The following CNIH4 variants were observed in gnomAD, a reference collection of about 807,000 sequenced individuals.
CNIH4 encodes protein cornichon homolog 4.
Under a neutral mutation model 21.5 loss-of-function variants are expected in CNIH4, and 9 were observed. That is an observed-to-expected ratio of 0.42 (90% confidence interval 0.25 to 0.73). The LOEUF is 0.73. Ranked by LOEUF, CNIH4 falls within the 30% of genes least tolerant of loss-of-function variation. The pLI is 0.27. For synonymous variants in CNIH4, 67 were observed against 59.1 expected, an observed-to-expected ratio of 1.13 and a Z score of -0.61; for missense variants, 159 against 170.0, an observed-to-expected ratio of 0.94 and a Z score of 0.36.
At chr1:224,369,436 G>A (rs1672559734) in intron 3 of CNIH4, among the ~76,000 whole-genome samples, 1 of 152,044 alleles carries the variant, frequency 6.6e-6, no homozygotes, top group African/African-American at 2.4e-5. Context: ...AGCTGGGCAT[G>A]GTGGTGTTGG....
In CNIH4 at chr1:224,379,273, G is replaced by T; in HGVS notation, c.*3451G>T. ...GCTTCCTATAGTAGTATCTCCCATG[G>T]CACTTACCACATTCTATCTGGTATT... On this transcript the variant is annotated 3_prime_UTR_variant, in exon 5 of 5. Transcript: ENST00000465271. The T allele has an allele frequency of 1.6e-6, 1 of 616,700 alleles. No individual in the cohort carries two copies. The highest frequency in any genetic ancestry group is 2.9e-6 in the Non-Finnish European group (1 of 346,036). The allele number at this position is 616,700 out of a possible 1,614,324, so 38.2% of individuals were successfully genotyped here. A position where few individuals can be genotyped will look rare whatever the true frequency, so the allele number is the denominator to read the frequency against.
At chr1:224,370,539 T>C (rs902220710) in intron 3 of CNIH4, among the ~76,000 whole-genome samples, 2 of 152,200 alleles carry the variant, frequency 1.3e-5, no homozygotes, top group African/African-American at 4.8e-5. Context: ...CTTAAATTCA[T>C]TGATCCTCTC....
intron 4 of CNIH4, among the ~76,000 whole-genome samples, chr1:224,371,681 G>A (rs768579230): frequency 4.6e-5 from 7 of 152,264 alleles, no homozygotes; most frequent in Non-Finnish European, 8.8e-5. Context: ...GGTGACTTAC[G>A]CCTGTAATCC....
Position 224,361,163 on chromosome 1 carries a change from C to T in CNIH4, c.138+600C>T, listed in dbSNP as rs373100072. On this transcript the variant is annotated intron_variant, in intron 2 of 4. Coordinates refer to ENST00000465271, the MANE Select transcript of CNIH4 (RefSeq NM_014184.4). ...TGGAGTCTCACTCTGTCACCCAGGC[C>T]GGAGTGCAGTGGTGTGATCTGGACT... Among the ~76,000 whole-genome samples the T allele has an allele frequency of 4.9e-3, 729 of 148,760 alleles. 13 individuals carry two copies. The highest frequency in any genetic ancestry group is 0.024 in the Middle Eastern group (7 of 294).
intron 1 of CNIH4, among the ~76,000 whole-genome samples, chr1:224,359,943 C>G (rs906840718): frequency 3.9e-5 from 6 of 152,130 alleles, no homozygotes; most frequent in African/African-American, 1.2e-4. Context: ...ACCAGCCTGG[C>G]TAACATAGTG....
At chr1:224,359,709 T>C (rs1034528433) in intron 1 of CNIH4, among the ~76,000 whole-genome samples, 1 of 151,848 alleles carries the variant, frequency 6.6e-6, no homozygotes, top group African/African-American at 2.4e-5. Flanking sequence ...TAACTGAGAC[T>C]ACAAGTGCCT....
At position 224,379,323 on chromosome 1, in the gene CNIH4, A is replaced by G; in HGVS notation, c.*3501A>G. ...TACAGTTATTTGTATGCAATTAATC[A>G]CTCTTAGATTGTATGTTCCTGGAGG... On this transcript the variant is annotated 3_prime_UTR_variant, in exon 5 of 5. Transcript: ENST00000465271. 1 of 557,926 alleles carries G rather than the reference A, an allele frequency of 1.8e-6. No homozygotes were observed. The highest frequency in any genetic ancestry group is 4.9e-4 in the Middle Eastern group (1 of 2,044). The allele number at this position is 557,926 out of a possible 1,614,324, so 34.6% of individuals were successfully genotyped here.
In CNIH4 at chr1:224,377,326, C is replaced by A. The variant is rs1672808634; in HGVS notation, c.*1504C>A. On this transcript the variant is annotated 3_prime_UTR_variant, in exon 5 of 5. Coordinates refer to ENST00000465271, the MANE Select transcript of CNIH4 (RefSeq NM_014184.4). The stretch of plus-strand genomic sequence containing the variant: ...CATCTCTTTTTCATACCTTTTCCCT[C>A]TGAGGCAGCTTTTGCTTAGAAAACA... 6.6e-6 allele frequency: 1 copy of A among 152,228 alleles called. No individual in the cohort carries two copies. Among genetic ancestry groups the A allele is most frequent in the Non-Finnish European group, 1.5e-5 (1 of 68,058 alleles). The allele number at this position is 152,228 out of a possible 1,614,324, so 9.4% of individuals were successfully genotyped here.
In CNIH4 at chr1:224,376,713, C is replaced by T. The variant is rs772391518; in HGVS notation, c.*891C>T. On this transcript the variant is annotated 3_prime_UTR_variant, in exon 5 of 5. Transcript: ENST00000465271. ...CACTTCTATCCCTCTGCACTGACCA[C>T]GTTGTGAACTGGGAGACCAAATGCA... 1.2e-4 allele frequency: 119 copies of T among 985,284 alleles called. No homozygotes were observed. Among genetic ancestry groups the T allele is most frequent in the Non-Finnish European group, 1.4e-4 (115 of 829,942 alleles). 61.0% of individuals were successfully genotyped at this position (985,284 alleles called of 1,614,324 possible). A position where few individuals can be genotyped will look rare whatever the true frequency, so the allele number is the denominator to read the frequency against.
At position 224,379,095 on chromosome 1, in the gene CNIH4, C is replaced by T. The variant is rs1046110536; in HGVS notation, c.*3273C>T. ...GGTAGCAACTGCCCTTGCTAATCACCGTAACCTCGGCTGAGAAAGAAGAGG... is the reference window on the plus strand; with the variant it reads ...GGTAGCAACTGCCCTTGCTAATCACTGTAACCTCGGCTGAGAAAGAAGAGG... On this transcript the variant is annotated 3_prime_UTR_variant, in exon 5 of 5. Transcript: ENST00000465271. The T allele has an allele frequency of 2.5e-5, 38 of 1,550,412 alleles. No individual in the cohort carries two copies. Among genetic ancestry groups the T allele is most frequent in the East Asian group, 1.5e-4 (6 of 40,928 alleles).
chr1:224,371,307 C>T lies in CNIH4; in HGVS notation c.276C>T (p.Asn92=). ...GATACATTATGGTGCCGAGTGGTAA[C>T]ATGGGAGTGTTTGATCCAACAGAAA... ...IYRYIMVPSG[N]MGVFDPTEIH... Residue 92 remains asparagine (N), a synonymous_variant, in exon 4 of 5, where the codon AAC becomes AAT. Transcript: ENST00000465271. 1 of 1,613,918 alleles carries T rather than the reference C, an allele frequency of 6.2e-7. No homozygotes were observed. Among genetic ancestry groups the T allele is most frequent in the Non-Finnish European group, 8.5e-7 (1 of 1,179,926 alleles).
Position 224,377,153 on chromosome 1 carries a change from AAC to A in CNIH4, c.*1337_*1338del, listed in dbSNP as rs1401843717. On this transcript the variant is annotated 3_prime_UTR_variant, in exon 5 of 5. Transcript: ENST00000465271. Reference sequence around the variant, plus strand: ...TCAAGGCTGGAAGTAGTGCCCTGGCAACACACAAAAGGAACGGTGAAATGGTA... The same window carrying A: ...TCAAGGCTGGAAGTAGTGCCCTGGCAACACAAAAGGAACGGTGAAATGGTA... 6.5e-6 allele frequency: 1 copy of A among 154,630 alleles called. No homozygotes were observed. The highest frequency in any genetic ancestry group is 1.4e-5 in the Non-Finnish European group (1 of 70,210). The allele number at this position is 154,630 out of a possible 1,614,324, so 9.6% of individuals were successfully genotyped here.
chr1:224,378,976 C>A lies in CNIH4; in HGVS notation c.*3154C>A. 1 of 1,268,104 alleles carries A rather than the reference C, an allele frequency of 7.9e-7. No individual in the cohort carries two copies. The highest frequency in any genetic ancestry group is 1.1e-6 in the Non-Finnish European group (1 of 889,496). The allele number at this position is 1,268,104 out of a possible 1,614,324, so 78.6% of individuals were successfully genotyped here. A position where few individuals can be genotyped will look rare whatever the true frequency, so the allele number is the denominator to read the frequency against. ...TCCCCTTCCCTCTATAATGGCAGTA[C>A]CCAGGGCCCGGTCCATAGACTACTA... On this transcript the variant is annotated 3_prime_UTR_variant, in exon 5 of 5. Coordinates refer to ENST00000465271, the MANE Select transcript of CNIH4 (RefSeq NM_014184.4).
At chr1:224,365,457 G>T (rs185189038) in intron 2 of CNIH4, among the ~76,000 whole-genome samples, 2 of 152,036 alleles carry the variant, frequency 1.3e-5, no homozygotes, top group African/African-American at 4.8e-5. Flanking sequence ...TGGTTTCCTC[G>T]GGATTCTGGA....
intron 2 of CNIH4, among the ~76,000 whole-genome samples, chr1:224,361,584 A>C (rs1024157482): frequency 1.3e-5 from 2 of 151,368 alleles, no homozygotes; most frequent in Non-Finnish European, 2.9e-5. Flanking sequence ...ATTTTCATAA[A>C]TTTTGTTTGA....
intron 2 of CNIH4, among the ~76,000 whole-genome samples, chr1:224,363,548 T>C (rs1672361840): frequency 6.6e-6 from 1 of 152,176 alleles, no homozygotes; most frequent in Non-Finnish European, 1.5e-5. Context: ...CAGCCTTGAA[T>C]TTCTAGGCTC....
intron 2 of CNIH4, among the ~76,000 whole-genome samples, chr1:224,363,862 C>T (rs907711822): frequency 6.6e-6 from 1 of 152,068 alleles, no homozygotes. Flanking sequence ...TTGTTATCTA[C>T]CTGGACTTTT....
Position 224,376,838 on chromosome 1 carries a change from G to C in CNIH4, c.*1016G>C. Reference sequence around the variant, plus strand: ...GAGAGCAGTTCACCTCCTTAGCTCTGTTTGCCAGCTCTTACAGGGTAAAAT... The same window carrying C: ...GAGAGCAGTTCACCTCCTTAGCTCTCTTTGCCAGCTCTTACAGGGTAAAAT... On this transcript the variant is annotated 3_prime_UTR_variant, in exon 5 of 5. Transcript: ENST00000465271. 1.0e-6 allele frequency: 1 copy of C among 985,382 alleles called. No individual in the cohort carries two copies. The highest frequency in any genetic ancestry group is 1.2e-6 in the Non-Finnish European group (1 of 829,920). The allele number at this position is 985,382 out of a possible 1,614,324, so 61.0% of individuals were successfully genotyped here. A position where few individuals can be genotyped will look rare whatever the true frequency, so the allele number is the denominator to read the frequency against.
chr1:224,375,717 A>G, intron 4 of CNIH4, 78 bp from the exon 5 acceptor site: 3 of 1,513,282 alleles, frequency 2.0e-6, no homozygotes, highest in Middle Eastern at 1.7e-4. Context: ...AACCTTAGGG[A>G]CGCAAGTCTG....
Sources: allele counts gnomAD v4.1 joint callset (sites outside exome capture counted in the v4.1 genomes callset), GRCh38; gene constraint gnomAD v4.1.1; transcripts MANE v1.5; gene names NCBI Gene and HGNC (gene_info 2026-07-23, HGNC 2026-07-21).